Variants in SLC48A1 observed in about 807,000 individuals in gnomAD.
SLC48A1 encodes the protein solute carrier family 48 member 1.
Under a neutral mutation model 14.8 loss-of-function variants are expected in SLC48A1, and 6 were observed. That is an observed-to-expected ratio of 0.41 (90% CI 0.22 to 0.80). SLC48A1 has a LOEUF of 0.80. Ranked by LOEUF, SLC48A1 falls within the 30% of genes least tolerant of loss-of-function variation. The probability of loss-of-function intolerance (pLI) is 0.34; values close to 1 mark genes in which losing one functional copy is unlikely to be tolerated. For missense variants in SLC48A1, 165 were observed against 204.8 expected, an observed-to-expected ratio of 0.81 and a Z score of 1.19; for synonymous variants, 89 against 90.0, an observed-to-expected ratio of 0.99 and a Z score of 0.06.
chr12:47,765,733 T>A (rs1328338076), intron 2 of SLC48A1, among the ~76,000 whole-genome samples: 1 of 152,242 alleles, frequency 6.6e-6, no homozygotes, highest in Non-Finnish European at 1.5e-5. Context: ...AAGCATTGCA[T>A]AAGTATTGCA....
Position 47,773,424 on chromosome 12 carries a change from C to T in SLC48A1, c.120C>T (p.Ala40=). ...TVVYRQPGTA[A]MGGLAGVLAL... is the part of the protein sequence containing the mutation. ...TCTACCGACAGCCGGGGACCGCGGC[C>T]ATGGGAGGGCTCGCAGGTACCCCGG... The change falls in exon 1 of 3, where the codon GCC becomes GCT. Residue 40 remains alanine, a synonymous_variant. Transcript: ENST00000442218. 7.0e-7 allele frequency: 1 copy of T among 1,430,334 alleles called. No individual in the cohort carries two copies. The highest frequency in any genetic ancestry group is 9.2e-7 in the Non-Finnish European group (1 of 1,085,154). The allele number at this position is 1,430,334 out of a possible 1,614,324, so 88.6% of individuals were successfully genotyped here. A position where few individuals can be genotyped will look rare whatever the true frequency, so the allele number is the denominator to read the frequency against.
At chr12:47,756,258 G>A (rs1592580696), upstream of SLC48A1, 4 of 152,346 alleles carry the variant, frequency 2.6e-5, 1 homozygote, top group Admixed American at 2.6e-4. Flanking sequence ...AGATCCTCCA[G>A]TGACCTATTG....
chr12:47,780,551 TTC>T lies in SLC48A1; in HGVS notation c.*272_*273del. The T allele has an allele frequency of 4.3e-6, 3 of 692,098 alleles. No individual in the cohort carries two copies. The highest frequency in any genetic ancestry group is 1.5e-5 in the South Asian group (1 of 67,400). 42.9% of individuals were successfully genotyped at this position (692,098 alleles called of 1,614,324 possible). A position where few individuals can be genotyped will look rare whatever the true frequency, so the allele number is the denominator to read the frequency against. On this transcript the variant is annotated 3_prime_UTR_variant, in exon 3 of 3. Transcript: ENST00000442218. The stretch of plus-strand genomic sequence containing the variant: ...CCTTTTCAAATGAATCTGTTTTCTT[TTC>T]TTTCTTTTTTTTTTCTTTTTTTTTT...
Position 47,773,355 on chromosome 12 carries a change from C to A in SLC48A1, c.51C>A (p.Ile17=), listed in dbSNP as rs1333120849. The A allele has an allele frequency of 6.8e-6, 10 of 1,477,050 alleles. No individual in the cohort carries two copies. Among genetic ancestry groups the A allele is most frequent in the Admixed American group, 2.4e-5 (1 of 40,864 alleles). The allele number at this position is 1,477,050 out of a possible 1,614,324, so 91.5% of individuals were successfully genotyped here. ...QLGLRAAYSG[I]SSVAGFSIFL... is the part of the protein sequence containing the mutation. Reference sequence around the variant, plus strand: ...GCCTCCGCGCCGCCTACTCCGGCATCAGCTCCGTGGCCGGCTTCTCCATCT... The same window carrying A: ...GCCTCCGCGCCGCCTACTCCGGCATAAGCTCCGTGGCCGGCTTCTCCATCT... Residue 17 remains isoleucine, a synonymous_variant, in exon 1 of 3, where the codon ATC becomes ATA. Transcript: ENST00000442218.
intron 2 of SLC48A1, among the ~76,000 whole-genome samples, chr12:47,763,587 TC>T (rs1197387848): frequency 4.6e-5 from 7 of 152,110 alleles, no homozygotes; most frequent in African/African-American, 1.7e-4. Flanking sequence ...CCCCGCTCCA[TC>T]CCCCAAGGGC....
intron 2 of SLC48A1, among the ~76,000 whole-genome samples, chr12:47,761,289 A>C (rs1450795116): frequency 6.6e-6 from 1 of 151,942 alleles, no homozygotes; most frequent in Non-Finnish European, 1.5e-5. Context: ...CAAATCGGTG[A>C]AAATGAAACT....
chr12:47,757,920 G>A (rs1942184837), upstream of SLC48A1: 2 of 1,557,200 alleles, frequency 1.3e-6, no homozygotes, highest in Non-Finnish European at 1.7e-6. Context: ...GCAGCTGGTA[G>A]GAGCAGCTTC....
At position 47,758,642 on chromosome 12, in the gene SLC48A1, A is replaced by G; in HGVS notation, c.-391A>G. 5 of 1,596,242 alleles carry G rather than the reference A, an allele frequency of 3.1e-6. No homozygotes were observed. In the South Asian group the frequency reaches 4.5e-5, roughly 14 times the overall value. On this transcript the variant is annotated 5_prime_UTR_variant, in exon 1 of 5. Transcript: ENST00000547002. The stretch of plus-strand genomic sequence containing the variant: ...GACCCCCATCAGCTTTGATAAGGGG[A>G]TCCGGAGGGTGCCAGTGGGTAAGTC...
intron 2 of SLC48A1, 106 bp downstream of exon 2, chr12:47,779,301 A>G: frequency 7.2e-7 from 1 of 1,389,814 alleles, no homozygotes; most frequent in Non-Finnish European, 9.5e-7. Context: ...GACTGGGTGA[A>G]TTACTTAACC....
chr12:47,763,938 C>T lies in SLC48A1; in HGVS notation c.-187+3537C>T, dbSNP rs996833750. ...TGCATGGCGGAGATGAGGAAACAGT[C>T]GCTGAACAGACCTGAGGTGGTGATG... On this transcript the variant is annotated intron_variant, in intron 2 of 4. Transcript: ENST00000547002. Among the ~76,000 whole-genome samples the T allele has an allele frequency of 2.6e-5, 4 of 152,266 alleles. No homozygotes were observed. In the East Asian group the frequency reaches 7.7e-4, roughly 29 times the overall value.
chr12:47,778,803 G>A, intron 1 of SLC48A1: 1 of 466,948 alleles, frequency 2.1e-6, no homozygotes, highest in African/African-American at 1.9e-5. Flanking sequence ...AGAATGGTAG[G>A]GTTTTGTATT....
chr12:47,773,560 C>T (rs1942674483), intron 1 of SLC48A1, 120 bp downstream of exon 1: 1 of 1,217,464 alleles, frequency 8.2e-7, no homozygotes. Flanking sequence ...AGTGTTTACT[C>T]GAAAACAGCG....
intron 2 of SLC48A1, among the ~76,000 whole-genome samples, chr12:47,762,735 C>A (rs1427704015): frequency 6.6e-6 from 1 of 152,226 alleles, no homozygotes; most frequent in Non-Finnish European, 1.5e-5. Context: ...CAGACTCAGG[C>A]AGTCTAACTG....
rs1347360811 is a variant in SLC48A1, at chr12:47,780,537, G to A, written c.*256G>A. 1 of 713,182 alleles carries A rather than the reference G, an allele frequency of 1.4e-6. No individual in the cohort carries two copies. Among genetic ancestry groups the A allele is most frequent in the Non-Finnish European group, 2.6e-6 (1 of 380,332 alleles). The allele number at this position is 713,182 out of a possible 1,614,324, so 44.2% of individuals were successfully genotyped here. ...AGGGCAGCTTTAGACCTTTTCAAAT[G>A]AATCTGTTTTCTTTTCTTTCTTTTT... On this transcript the variant is annotated 3_prime_UTR_variant, in exon 3 of 3. Transcript: ENST00000442218.
intron 1 of SLC48A1, among the ~76,000 whole-genome samples, chr12:47,759,840 T>A (rs922173822): frequency 1.3e-5 from 2 of 152,212 alleles, no homozygotes; most frequent in African/African-American, 2.4e-5. Flanking sequence ...TTCTCTTCCC[T>A]TTTCCCTTTG....
chr12:47,762,815 C>A (rs1414162846), intron 2 of SLC48A1, among the ~76,000 whole-genome samples: 1 of 152,210 alleles, frequency 6.6e-6, no homozygotes, highest in East Asian at 1.9e-4. Flanking sequence ...TCAACCTTGC[C>A]TCGCTCAGTC....
upstream of SLC48A1, among the ~76,000 whole-genome samples, chr12:47,767,853 A>G (rs1942549284): frequency 6.6e-6 from 1 of 152,260 alleles, no homozygotes; most frequent in African/African-American, 2.4e-5. Flanking sequence ...TAAAATGAGC[A>G]AGGGTGAGTA....
At chr12:47,765,851 A>C (rs1301261059) in intron 2 of SLC48A1, among the ~76,000 whole-genome samples, 1 of 152,212 alleles carries the variant, frequency 6.6e-6, no homozygotes, top group Non-Finnish European at 1.5e-5. Context: ...GAAGACCCTC[A>C]GGAGAGGTTT....
At chr12:47,764,048 G>A (rs1942453992) in intron 2 of SLC48A1, among the ~76,000 whole-genome samples, 1 of 152,174 alleles carries the variant, frequency 6.6e-6, no homozygotes, top group Non-Finnish European at 1.5e-5. Flanking sequence ...TAGAAGGGAG[G>A]GAAGCAGCCT....
Sources: gnomAD v4.1 joint callset for allele counts (sites outside exome capture counted in the v4.1 genomes callset) on GRCh38, gnomAD v4.1.1 for gene constraint, MANE v1.5 for transcripts, NCBI Gene and HGNC (gene_info 2026-07-23, HGNC 2026-07-21) for gene names.